PTPRD: variants seen among roughly 807,000 people sequenced by gnomAD.
PTPRD encodes the protein receptor-type tyrosine-protein phosphatase delta.
A neutral mutation model predicts 214.5 loss-of-function variants in PTPRD; 34 were observed. That is an observed-to-expected ratio of 0.16 (90% CI 0.12 to 0.21). The LOEUF is 0.21. Among genes scored for constraint, PTPRD ranks in the 10% least tolerant of loss-of-function variants. PTPRD has a pLI of 1.00. For synonymous variants in PTPRD, 1,128 were observed against 845.7 expected (o/e 1.33, Z -5.79); for missense variants, 2,545 against 2,398.7 (o/e 1.06, Z -1.27).
chr9:8,769,984 CTGAT>C (rs2095073967), intron 11 of PTPRD, among the ~76,000 whole-genome samples: 1 of 152,050 alleles, frequency 6.6e-6, no homozygotes, highest in South Asian at 2.1e-4. Context: ...TGAAAACTGT[CTGAT>C]TGAAAGTACC....
intron 14 of PTPRD, among the ~76,000 whole-genome samples, chr9:8,619,816 C>G (rs1189595547): frequency 2.0e-5 from 3 of 151,936 alleles, no homozygotes; most frequent in Non-Finnish European, 4.4e-5. Flanking sequence ...AAAAATCAAC[C>G]CTTACACTTT....
Position 10,122,244 on chromosome 9 carries a change from G to A in PTPRD, c.-544-88454C>T, listed in dbSNP as rs540161139. On this transcript the variant is annotated intron_variant, in intron 3 of 45. Transcript: ENST00000381196. ...AATCACTTGAACCTGGGAGGTGGAG[G>A]CTGCAGTGAGCTGAGATTGTGTCAC... 7.9e-5 allele frequency among the ~76,000 whole-genome samples: 12 copies of A among 152,242 alleles called. No homozygotes were observed. The Middle Eastern group carries it at 0.01, about 129-fold the overall frequency.
chr9:8,580,054 CA>C (rs1323600554), intron 14 of PTPRD, among the ~76,000 whole-genome samples: 2 of 151,788 alleles, frequency 1.3e-5, no homozygotes, highest in Admixed American at 6.6e-5. Flanking sequence ...AATTATTGAC[CA>C]AAAAAATTAT....
intron 10 of PTPRD, among the ~76,000 whole-genome samples, chr9:9,019,520 C>G: frequency 6.6e-6 from 1 of 152,104 alleles, no homozygotes; most frequent in Middle Eastern, 3.2e-3. Flanking sequence ...GCCTGGCCAA[C>G]ATGGTGAAAC....
In PTPRD at chr9:8,395,336, C is replaced by T. The variant is rs144979812; in HGVS notation, c.4211-5929G>A. On this transcript the variant is annotated intron_variant, in intron 36 of 45. Transcript: ENST00000381196. ...AGATTGCAATTTTACAACAATGTGG[C>T]AAAAATGTTTACTTTGCAGTCTCCA... Among the ~76,000 whole-genome samples the T allele has an allele frequency of 6.6e-5, 10 of 152,130 alleles. No homozygotes were observed. In the East Asian group the frequency reaches 1.9e-3, roughly 30 times the overall value.
At chr9:9,031,890 A>C (rs2099606711) in intron 10 of PTPRD, among the ~76,000 whole-genome samples, 1 of 152,032 alleles carries the variant, frequency 6.6e-6, no homozygotes, top group African/African-American at 2.4e-5. Context: ...GACAGTCAAA[A>C]AATGGGGCAT....
intron 27 of PTPRD, among the ~76,000 whole-genome samples, chr9:8,491,944 T>C (rs1203761914): frequency 1.3e-5 from 2 of 152,126 alleles, no homozygotes; most frequent in African/African-American, 4.8e-5. Flanking sequence ...GAGATTGCCA[T>C]ATATGAGGAT....
At chr9:10,134,497 A>T (rs1462133122) in intron 3 of PTPRD, among the ~76,000 whole-genome samples, 2 of 152,154 alleles carry the variant, frequency 1.3e-5, no homozygotes, top group Non-Finnish European at 2.9e-5. Flanking sequence ...ATTGTTCTTA[A>T]GTGCTGCCTA....
chr9:9,921,729 T>C lies in PTPRD; in HGVS notation c.-368+16778A>G, dbSNP rs145539439. ...TCAGACAAATTATGGGAAAATAATT[T>C]TTAAAAAGCCAATTTATAGAAGTAA... On this transcript the variant is annotated intron_variant, in intron 5 of 45. Transcript: ENST00000381196. Among the ~76,000 whole-genome samples, 861 of 150,930 alleles carry C rather than the reference T, an allele frequency of 5.7e-3. 7 individuals are homozygous for C. The highest frequency in any genetic ancestry group is 0.019 in the African/African-American group (796 of 41,138).
chr9:9,510,282 T>C (rs773066603), intron 8 of PTPRD, among the ~76,000 whole-genome samples: 7 of 151,630 alleles, frequency 4.6e-5, no homozygotes, highest in Non-Finnish European at 8.9e-5. Context: ...TAGAATAGTA[T>C]CTCTTTTTTT....
chr9:9,104,342 T>A (rs1030723709), intron 10 of PTPRD, among the ~76,000 whole-genome samples: 2 of 152,152 alleles, frequency 1.3e-5, no homozygotes, highest in African/African-American at 4.8e-5. Context: ...AATGTAAAAA[T>A]CATTTTTAGA....
At chr9:9,959,335 G>A (rs565663799) in intron 4 of PTPRD, among the ~76,000 whole-genome samples, 8 of 152,134 alleles carry the variant, frequency 5.3e-5, no homozygotes, top group South Asian at 4.2e-4. Context: ...CCAGAGCCTC[G>A]AGAGGAAGGA....
intron 5 of PTPRD, among the ~76,000 whole-genome samples, chr9:9,855,022 A>G (rs900845417): frequency 5.3e-5 from 8 of 151,630 alleles, no homozygotes; most frequent in Admixed American, 4.6e-4. Flanking sequence ...AACAAATCCT[A>G]TAACAACAAC....
intron 14 of PTPRD, among the ~76,000 whole-genome samples, chr9:8,609,132 A>C (rs1452956727): frequency 2.0e-5 from 3 of 152,200 alleles, no homozygotes; most frequent in African/African-American, 7.2e-5. Context: ...CTCCTCAATG[A>C]ATGTAATTTT....
chr9:9,077,018 A>T (rs1591169126), intron 10 of PTPRD, among the ~76,000 whole-genome samples: 1 of 151,972 alleles, frequency 6.6e-6, no homozygotes, highest in Non-Finnish European at 1.5e-5. Context: ...AGGTGATCTT[A>T]TTGCAGTTTT....
chr9:8,705,958 G>A (rs1324588232), intron 12 of PTPRD, among the ~76,000 whole-genome samples: 1 of 152,146 alleles, frequency 6.6e-6, no homozygotes, highest in East Asian at 1.9e-4. Context: ...AGTCAGCACT[G>A]TATCCATATG....
intron 31 of PTPRD, among the ~76,000 whole-genome samples, chr9:8,470,656 G>A (rs1165268893): frequency 6.6e-6 from 1 of 152,026 alleles, no homozygotes; most frequent in East Asian, 1.9e-4. Flanking sequence ...GGGGACCTTG[G>A]GATTTATACC....
chr9:9,370,178 T>C (rs1490424227), intron 9 of PTPRD, among the ~76,000 whole-genome samples: 9 of 152,244 alleles, frequency 5.9e-5, no homozygotes, highest in Middle Eastern at 3.4e-3. Flanking sequence ...GGGGATGGCA[T>C]TGAATCTATA....
intron 23 of PTPRD, 105 bp from the exon 24 acceptor site, chr9:8,501,164 A>G: frequency 2.5e-6 from 2 of 811,478 alleles, no homozygotes; most frequent in South Asian, 1.9e-5. Context: ...TAAACGAACA[A>G]TAAGGACAAA....
Sources: gnomAD v4.1 joint callset for allele counts (sites outside exome capture counted in the v4.1 genomes callset) on GRCh38, gnomAD v4.1.1 for gene constraint, MANE v1.5 for transcripts, NCBI Gene and HGNC (gene_info 2026-07-23, HGNC 2026-07-21) for gene names.